Variants in PGAP2 observed in about 807,000 individuals in gnomAD.
The protein encoded by PGAP2 is post-GPI attachment to proteins 2.
PGAP2 carries 21 observed loss-of-function variants against 33.2 expected under a neutral mutation model. The ratio of observed to expected loss-of-function variants is 0.63; its 90% CI spans 0.45 to 0.91. PGAP2 has a LOEUF of 0.91. Among genes scored for constraint, PGAP2 ranks in the 40% least tolerant of loss-of-function variants. The pLI is 0.00. For missense variants in PGAP2, 345 were observed against 424.0 expected, an observed-to-expected ratio of 0.81 and a Z score of 1.64; for synonymous variants, 161 against 172.9, an observed-to-expected ratio of 0.93 and a Z score of 0.54.
chr11:3,798,744 A>G (rs888781329), intron 1 of PGAP2, among the ~76,000 whole-genome samples: 2 of 151,688 alleles, frequency 1.3e-5, no homozygotes, highest in Admixed American at 1.3e-4. Context: ...CCCAGGTACA[A>G]GAGAGTCTCC....
At chr11:3,808,506 G>A (rs1214363824), upstream of PGAP2, 55 of 1,401,728 alleles carry the variant, frequency 3.9e-5, no homozygotes, top group East Asian at 1.5e-3. Flanking sequence ...CGGAGGATCT[G>A]GGCGCAGTTT....
At chr11:3,808,688 G>T in intron 1 of PGAP2, 37 bp downstream of exon 1, 1 of 1,085,908 alleles carries the variant, frequency 9.2e-7, no homozygotes, top group Non-Finnish European at 1.1e-6. Flanking sequence ...CTGCCGGGCA[G>T]CCCCACTCGG....
chr11:3,817,570 C>T, intron 3 of PGAP2, 35 bp downstream of exon 3: 1 of 1,577,446 alleles, frequency 6.3e-7, no homozygotes, highest in Non-Finnish European at 8.7e-7. Context: ...GGGTCAGGGC[C>T]AGGTCAGGAG....
Position 3,825,931 on chromosome 11 carries a change from T to C in PGAP2, c.*473T>C, listed in dbSNP as rs2089957350. The stretch of plus-strand genomic sequence containing the variant: ...TGTGGCCACAGTCCCCTGCTAAAGT[T>C]GCTCAGGTGTTCTAGTCCTGACTTC... On this transcript the variant is annotated 3_prime_UTR_variant, in exon 7 of 7. Coordinates refer to ENST00000278243, the MANE Select transcript of PGAP2 (RefSeq NM_014489.4). 6.2e-6 allele frequency: 1 copy of C among 161,150 alleles called. No individual in the cohort carries two copies. The highest frequency in any genetic ancestry group is 2.4e-5 in the African/African-American group (1 of 41,556). The allele number at this position is 161,150 out of a possible 1,614,324, so 10.0% of individuals were successfully genotyped here. A position where few individuals can be genotyped will look rare whatever the true frequency, so the allele number is the denominator to read the frequency against.
upstream of PGAP2, chr11:3,808,318 A>C: frequency 2.6e-6 from 4 of 1,551,506 alleles, no homozygotes; most frequent in Non-Finnish European, 3.5e-6. Context: ...GCTGAGAGGT[A>C]AGGCGACAAG....
chr11:3,809,116 G>A (rs1350422182), intron 1 of PGAP2, among the ~76,000 whole-genome samples: 1 of 152,188 alleles, frequency 6.6e-6, no homozygotes, highest in East Asian at 1.9e-4. Flanking sequence ...TGTATATCAA[G>A]TACAGAGCAG....
At chr11:3,820,986 G>C (rs73421082) in intron 3 of PGAP2, among the ~76,000 whole-genome samples, 1,678 of 152,344 alleles carry the variant, frequency 0.011, 21 homozygotes, top group African/African-American at 0.039. Flanking sequence ...GCTTTGTGCA[G>C]TTCCTGAGCC....
chr11:3,798,250 C>G, intron 1 of PGAP2: 1 of 788,122 alleles, frequency 1.3e-6, no homozygotes, highest in Non-Finnish European at 1.8e-6. Context: ...CCCTAAGGGA[C>G]TGGCCCACCA....
rs1228880238 is a variant in PGAP2, at chr11:3,797,881, G to C, written c.38G>C (p.Arg13Thr). ...GGAAGCACCGGCGGGGTGTCGGGAAGGGTGGTGACGCAACATAGAGACTCC... is the reference window on the plus strand; with the variant it reads ...GGAAGCACCGGCGGGGTGTCGGGAACGGTGGTGACGCAACATAGAGACTCC... Residue 13 changes from arginine (R) to threonine (T), a missense_variant, in exon 1 of 7, where the codon AGG becomes ACG. Transcript: ENST00000300730. 4 of 1,550,082 alleles carry C rather than the reference G, an allele frequency of 2.6e-6. No homozygotes were observed. In the African/African-American group the frequency reaches 5.5e-5, roughly 21 times the overall value.
At chr11:3,804,301 G>C (rs1267984241), upstream of PGAP2, among the ~76,000 whole-genome samples, 1 of 152,064 alleles carries the variant, frequency 6.6e-6, no homozygotes, top group Non-Finnish European at 1.5e-5. Flanking sequence ...CAGATGAACA[G>C]GGGAAGATTT....
At chr11:3,803,039 G>C (rs2134159172) in intron 1 of PGAP2, among the ~76,000 whole-genome samples, 1 of 149,992 alleles carries the variant, frequency 6.7e-6, no homozygotes, top group Non-Finnish European at 1.5e-5. Flanking sequence ...TGTCACCCAG[G>C]CTGGAGTGCA....
chr11:3,803,295 GTTT>G (rs34104190), intron 1 of PGAP2, among the ~76,000 whole-genome samples: 2 of 137,830 alleles, frequency 1.5e-5, no homozygotes, highest in Non-Finnish European at 1.6e-5. Context: ...ACCCGGCCCT[GTTT>G]TTTTTTTTTT....
rs1489297515 is a variant in PGAP2, at chr11:3,808,662, G to A, written c.-11+11G>A. The A allele has an allele frequency of 4.2e-6, 5 of 1,194,580 alleles. 1 individual carries two copies. The Admixed American group carries it at 2.2e-4, about 52-fold the overall frequency. The allele number at this position is 1,194,580 out of a possible 1,614,324, so 74.0% of individuals were successfully genotyped here. A position where few individuals can be genotyped will look rare whatever the true frequency, so the allele number is the denominator to read the frequency against. Reference sequence around the variant, plus strand: ...GCCACCACCGCGTGGGTGAGTATGGGCATGGATGTGCTGGGCTGCCGGGCA... The same window carrying A: ...GCCACCACCGCGTGGGTGAGTATGGACATGGATGTGCTGGGCTGCCGGGCA... On this transcript the variant is annotated intron_variant, in intron 1 of 6. Coordinates refer to ENST00000278243, the MANE Select transcript of PGAP2 (RefSeq NM_014489.4).
In PGAP2 at chr11:3,824,025, C is replaced by A. The variant is rs587776970; in HGVS notation, c.491C>A (p.Thr164Asn). 6.2e-7 allele frequency: 1 copy of A among 1,614,064 alleles called. No homozygotes were observed. The highest frequency in any genetic ancestry group is 8.5e-7 in the Non-Finnish European group (1 of 1,180,040). Residue 164 changes from threonine (T) to asparagine (N), a missense_variant, in exon 4 of 7, where the codon ACC becomes AAC. Thr to Asn is a moderately conservative substitution (Grantham distance 65). Coordinates refer to ENST00000278243, the MANE Select transcript of PGAP2 (RefSeq NM_014489.4). ...TACTGGAACCACTACCTCAGCTGCA[C>A]CTCCCCGTGTTCCTGCTATCGCCCG... ...FAYWNHYLSC[T>N]SPCSCYRPLC...
rs746736798 is a variant in PGAP2 at position 3,823,024 on chromosome 11, C to CTTTTTTT, written c.349-835_349-829dup. 1,071 of 307,422 alleles carry CTTTTTTT rather than the reference C, an allele frequency of 3.5e-3. 3 individuals carry two copies. Among genetic ancestry groups the CTTTTTTT allele is most frequent in the South Asian group, 0.01 (289 of 28,836 alleles). The allele number at this position is 307,422 out of a possible 1,614,324, so 19.0% of individuals were successfully genotyped here. A position where few individuals can be genotyped will look rare whatever the true frequency, so the allele number is the denominator to read the frequency against. On this transcript the variant is annotated intron_variant, in intron 3 of 6. Transcript: ENST00000278243. ...GAGCACCCACTTTCTTTTTTCTTTT[C>CTTTTTTT]TTTTTTTTTTTTTTTTTTTTTTTTT...
rs561256741 is a variant in PGAP2 at position 3,814,905 on chromosome 11, G to T, written c.166-2448G>T. 5.7e-3 allele frequency among the ~76,000 whole-genome samples: 670 copies of T among 118,096 alleles called. 2 individuals carry two copies. The highest frequency in any genetic ancestry group is 0.019 in the African/African-American group (575 of 30,152). The allele number at this position is 118,096 out of a possible 152,430, so 77.5% of individuals were successfully genotyped here. A position where few individuals can be genotyped will look rare whatever the true frequency, so the allele number is the denominator to read the frequency against. The stretch of plus-strand genomic sequence containing the variant: ...CTTTCCTTCCCTTTCCCTTTCCCTT[G>T]CCCTTTCCCTTTCCCTTTCCCTTTC... On this transcript the variant is annotated intron_variant, in intron 2 of 6. Transcript: ENST00000278243.
chr11:3,809,906 C>G (rs2085197959), intron 1 of PGAP2, among the ~76,000 whole-genome samples: 2 of 152,186 alleles, frequency 1.3e-5, no homozygotes, highest in Admixed American at 6.5e-5. Context: ...GGATGGCAAC[C>G]TAACTGAGAT....
chr11:3,815,570 T>A (rs961751080), intron 2 of PGAP2, among the ~76,000 whole-genome samples: 1 of 152,172 alleles, frequency 6.6e-6, no homozygotes, highest in Admixed American at 6.5e-5. Flanking sequence ...TCAGGCAACC[T>A]TCCAAGGAAA....
intron 3 of PGAP2, 199 bp downstream of exon 3, chr11:3,817,734 T>C (rs928630573): frequency 4.3e-5 from 30 of 694,096 alleles, no homozygotes; most frequent in Admixed American, 1.2e-4. Flanking sequence ...CCTCCCTGAG[T>C]TGGAAGATGA....
Sources: allele counts gnomAD v4.1 joint callset (sites outside exome capture counted in the v4.1 genomes callset), GRCh38; gene constraint gnomAD v4.1.1; transcripts MANE v1.5; gene names NCBI Gene and HGNC (gene_info 2026-07-23, HGNC 2026-07-21).